The following C7orf33 variants were observed in gnomAD, a reference collection of about 807,000 sequenced individuals.
C7orf33 encodes the protein uncharacterized protein C7orf33.
In C7orf33, 15 loss-of-function variants were observed where a neutral mutation model predicts 13.4. The observed-to-expected ratio is 1.12, with a 90% CI of 0.75 to 1.72. C7orf33 has a LOEUF of 1.72. Among genes scored for constraint, C7orf33 ranks in the 40% most tolerant of loss-of-function variants. The probability of loss-of-function intolerance (pLI) is 0.00; values close to 1 mark genes in which losing one functional copy is unlikely to be tolerated. For missense variants in C7orf33, 187 were observed against 220.3 expected, an observed-to-expected ratio of 0.85 and a Z score of 0.96; for synonymous variants, 73 against 83.2, an observed-to-expected ratio of 0.88 and a Z score of 0.67.
At chr7:148,601,882 C>T (rs539976390) in intron 1 of C7orf33, among the ~76,000 whole-genome samples, 9 of 152,024 alleles carry the variant, frequency 5.9e-5, no homozygotes, top group East Asian at 5.8e-4. Context: ...TGAGTAGCTA[C>T]GACTTCAGGC....
intron 1 of C7orf33, among the ~76,000 whole-genome samples, chr7:148,610,820 A>G (rs2116902821): frequency 6.6e-6 from 1 of 152,176 alleles, no homozygotes; most frequent in South Asian, 2.1e-4. Context: ...TTCAGTGTAA[A>G]TTGCTCCCCC....
chr7:148,598,700 A>G (rs1796371339), intron 1 of C7orf33, among the ~76,000 whole-genome samples: 1 of 141,794 alleles, frequency 7.1e-6, no homozygotes, highest in African/African-American at 2.6e-5. Context: ...ATATATGTAT[A>G]TATATAAAAA....
chr7:148,595,647 TATAATATAGATCTATATTATATAGATATA>T (rs1309803064), intron 1 of C7orf33, among the ~76,000 whole-genome samples: 3 of 81,842 alleles, frequency 3.7e-5, no homozygotes, highest in African/African-American at 3.1e-4. Context: ...ATTATATAGA[TATAATATAGATCTATATTATATAGATATA>T]ATATAGATCT....
At chr7:148,609,500 G>A (rs1184065310) in intron 1 of C7orf33, among the ~76,000 whole-genome samples, 27 of 152,202 alleles carry the variant, frequency 1.8e-4, no homozygotes, top group Admixed American at 1.8e-3. Flanking sequence ...CCTCAGTGAT[G>A]TTAGCAACAG....
intron 1 of C7orf33, among the ~76,000 whole-genome samples, chr7:148,608,120 C>A (rs890041906): frequency 2.0e-5 from 3 of 152,108 alleles, no homozygotes; most frequent in African/African-American, 7.2e-5. Flanking sequence ...ATTAGGTAAC[C>A]AGAAATTCTG....
intron 1 of C7orf33, among the ~76,000 whole-genome samples, chr7:148,606,943 C>T (rs938384511): frequency 2.6e-5 from 4 of 151,400 alleles, no homozygotes; most frequent in Non-Finnish European, 4.4e-5. Flanking sequence ...TACACACACA[C>T]ACACACACAC....
At chr7:148,597,808 T>C (rs1796358403) in intron 1 of C7orf33, among the ~76,000 whole-genome samples, 1 of 152,190 alleles carries the variant, frequency 6.6e-6, no homozygotes, top group African/African-American at 2.4e-5. Context: ...CAGGCTGGAG[T>C]GCAGTGGCGT....
intron 1 of C7orf33, among the ~76,000 whole-genome samples, chr7:148,599,917 C>G (rs1269259174): frequency 2.6e-5 from 4 of 151,582 alleles, no homozygotes; most frequent in Non-Finnish European, 5.9e-5. Context: ...TACAGACACA[C>G]AGCTTACGCG....
At chr7:148,591,781 A>G (rs1796274141) in intron 1 of C7orf33, among the ~76,000 whole-genome samples, 1 of 151,996 alleles carries the variant, frequency 6.6e-6, no homozygotes, top group African/African-American at 2.4e-5. Flanking sequence ...GGGTCTTGCC[A>G]TGTTGCCCAG....
intron 1 of C7orf33, among the ~76,000 whole-genome samples, chr7:148,603,560 A>T (rs1256302453): frequency 6.6e-6 from 1 of 152,188 alleles, no homozygotes; most frequent in East Asian, 1.9e-4. Flanking sequence ...AGGATCCGGG[A>T]TGCAGCATTA....
At chr7:148,602,893 T>C (rs913846899) in intron 1 of C7orf33, among the ~76,000 whole-genome samples, 2 of 152,180 alleles carry the variant, frequency 1.3e-5, no homozygotes. Context: ...AGAAAAGTAA[T>C]ATATTTTTAA....
chr7:148,591,311 A>G (rs1563119278), intron 1 of C7orf33, among the ~76,000 whole-genome samples, 182 bp downstream of exon 1: 1 of 152,336 alleles, frequency 6.6e-6, no homozygotes, highest in East Asian at 1.9e-4. Context: ...AAGGCCTGGA[A>G]TCTTCTTAGG....
chr7:148,591,580 A>AGTT (rs1197209620), intron 1 of C7orf33, among the ~76,000 whole-genome samples: 1 of 151,648 alleles, frequency 6.6e-6, no homozygotes, highest in African/African-American at 2.4e-5. Context: ...AAAGACCAGG[A>AGTT]GTTGTTGTTG....
chr7:148,591,822 C>G (rs1796274618), intron 1 of C7orf33, among the ~76,000 whole-genome samples: 1 of 152,128 alleles, frequency 6.6e-6, no homozygotes, highest in Non-Finnish European at 1.5e-5. Context: ...CTCAAACGAT[C>G]CTCCCACTTC....
At position 148,615,485 on chromosome 7, in the gene C7orf33, G is replaced by A. The variant is rs1221169432; in HGVS notation, c.*84G>A. ...CTTGCAAGAAAAAAGAGAAATAGCT[G>A]AAGTTCTGGAAATAACAGTTGATGA... On this transcript the variant is annotated 3_prime_UTR_variant, in exon 3 of 3. Coordinates refer to ENST00000307003, the MANE Select transcript of C7orf33 (RefSeq NM_145304.4). 2 of 876,750 alleles carry A rather than the reference G, an allele frequency of 2.3e-6. No individual in the cohort carries two copies. The highest frequency in any genetic ancestry group is 3.4e-5 in the African/African-American group (2 of 59,150). 54.3% of individuals were successfully genotyped at this position (876,750 alleles called of 1,614,324 possible). A position where few individuals can be genotyped will look rare whatever the true frequency, so the allele number is the denominator to read the frequency against.
chr7:148,615,538 T>G lies in C7orf33; in HGVS notation c.*137T>G. 1.7e-6 allele frequency: 1 copy of G among 591,164 alleles called. No homozygotes were observed. The highest frequency in any genetic ancestry group is 2.7e-5 in the Admixed American group (1 of 36,672). The allele number at this position is 591,164 out of a possible 1,614,324, so 36.6% of individuals were successfully genotyped here. ...ACTTGGTAATCTGAAGTCTGAACTT[T>G]GAACACCAGCAGACAGGCTGAGAAT... On this transcript the variant is annotated 3_prime_UTR_variant, in exon 3 of 3. Coordinates refer to ENST00000307003, the MANE Select transcript of C7orf33 (RefSeq NM_145304.4).
At chr7:148,592,380 T>C (rs1796280284) in intron 1 of C7orf33, among the ~76,000 whole-genome samples, 1 of 152,130 alleles carries the variant, frequency 6.6e-6, no homozygotes, top group South Asian at 2.1e-4. Context: ...ATACAATTAG[T>C]CTCTGAATGA....
At chr7:148,610,308 T>C (rs964452621) in intron 1 of C7orf33, among the ~76,000 whole-genome samples, 2 of 152,156 alleles carry the variant, frequency 1.3e-5, no homozygotes, top group African/African-American at 4.8e-5. Flanking sequence ...CAGACCACCC[T>C]TAATATGGGT....
chr7:148,610,620 A>G (rs1796526617), intron 1 of C7orf33, among the ~76,000 whole-genome samples: 2 of 152,098 alleles, frequency 1.3e-5, no homozygotes. Context: ...GCTCTGGGGA[A>G]CCCTAATACA....
Sources: gnomAD v4.1 joint callset for allele counts (sites outside exome capture counted in the v4.1 genomes callset) on GRCh38, gnomAD v4.1.1 for gene constraint, MANE v1.5 for transcripts, NCBI Gene and HGNC (gene_info 2026-07-23, HGNC 2026-07-21) for gene names.